TET1: variants seen among roughly 807,000 people sequenced by gnomAD.
The protein encoded by TET1 is methylcytosine dioxygenase TET1.
In TET1, 13 loss-of-function variants were observed where a neutral mutation model predicts 148.7. That is an observed-to-expected ratio of 0.09 (90% CI 0.06 to 0.14). The LOEUF (loss-of-function observed/expected upper bound fraction) is 0.14. Ranked by LOEUF, TET1 falls within the 10% of genes least tolerant of loss-of-function variation. TET1 has a pLI of 1.00. For synonymous variants in TET1, 907 were observed against 937.2 expected (o/e 0.97, Z 0.59); for missense variants, 2,182 against 2,553.8 (o/e 0.85, Z 3.14).
chr10:68,684,574 A>C (rs1288760458), intron 10 of TET1, among the ~76,000 whole-genome samples: 8 of 152,246 alleles, frequency 5.3e-5, no homozygotes, highest in African/African-American at 1.9e-4. Flanking sequence ...AAGTCAGTTC[A>C]GAGTCAAGCT....
chr10:68,629,470 C>T (rs2054536759), intron 3 of TET1, among the ~76,000 whole-genome samples: 1 of 151,430 alleles, frequency 6.6e-6, no homozygotes, highest in Non-Finnish European at 1.5e-5. Context: ...AGATATTTAG[C>T]TTGTAAGTAT....
intron 3 of TET1, among the ~76,000 whole-genome samples, chr10:68,611,478 T>G (rs1406003422): frequency 6.6e-6 from 1 of 150,536 alleles, no homozygotes; most frequent in African/African-American, 2.4e-5. Context: ...ATAGCAAGAC[T>G]CCATCTCTTC....
intron 3 of TET1, among the ~76,000 whole-genome samples, chr10:68,640,814 G>A: frequency 6.6e-6 from 1 of 151,408 alleles, no homozygotes; most frequent in Non-Finnish European, 1.5e-5. Flanking sequence ...GCCTCCCAAA[G>A]TGCTGGGATT....
chr10:68,576,832 C>T (rs780217015), intron 2 of TET1, among the ~76,000 whole-genome samples: 5 of 152,046 alleles, frequency 3.3e-5, no homozygotes, highest in Non-Finnish European at 7.4e-5. Context: ...TTCTCCCTCC[C>T]AAGTTCAAGT....
intron 3 of TET1, among the ~76,000 whole-genome samples, chr10:68,625,196 A>G (rs553414618): frequency 1.3e-5 from 2 of 152,172 alleles, no homozygotes; most frequent in African/African-American, 4.8e-5. Flanking sequence ...TTGAATTTCT[A>G]CTAGCCAAGT....
intron 3 of TET1, among the ~76,000 whole-genome samples, chr10:68,610,729 C>T (rs2054196498): frequency 6.6e-6 from 1 of 152,064 alleles, no homozygotes; most frequent in Non-Finnish European, 1.5e-5. Flanking sequence ...GTGATCATGG[C>T]TCACTGCAGC....
intron 3 of TET1, among the ~76,000 whole-genome samples, chr10:68,622,775 C>T (rs2054396162): frequency 6.6e-6 from 1 of 151,950 alleles, no homozygotes. Context: ...GACAGTGTCT[C>T]GCCGTGTTGT....
rs577229313 is a variant in TET1 at position 68,682,738 on chromosome 10, T to C, written c.4915-98T>C. On this transcript the variant is annotated intron_variant, in intron 9 of 11. Coordinates refer to ENST00000373644, the MANE Select transcript of TET1 (RefSeq NM_030625.3). Reference sequence around the variant, plus strand: ...AGTCTCAGAAATTACAAAGTGTAATTAATTAGAAACTTCATGAGGAAATTA... The same window carrying C: ...AGTCTCAGAAATTACAAAGTGTAATCAATTAGAAACTTCATGAGGAAATTA... 29 of 1,355,470 alleles carry C rather than the reference T, an allele frequency of 2.1e-5. No individual in the cohort carries two copies. The South Asian group carries it at 3.5e-4, about 16-fold the overall frequency. The allele number at this position is 1,355,470 out of a possible 1,614,324, so 84.0% of individuals were successfully genotyped here. A position where few individuals can be genotyped will look rare whatever the true frequency, so the allele number is the denominator to read the frequency against.
intron 8 of TET1, among the ~76,000 whole-genome samples, chr10:68,673,682 A>G (rs1311881985): frequency 6.6e-6 from 1 of 151,994 alleles, no homozygotes; most frequent in Non-Finnish European, 1.5e-5. Context: ...TGTAGTGAGG[A>G]TTTATATATT....
chr10:68,611,698 CTTTTT>C (rs770114212), intron 3 of TET1, among the ~76,000 whole-genome samples: 2 of 125,290 alleles, frequency 1.6e-5, no homozygotes, highest in Non-Finnish European at 3.5e-5. Context: ...CTTTTCTTTT[CTTTTT>C]CTTTCTTTTT....
In TET1 at chr10:68,693,446, A is replaced by G. The variant is rs2055618014; in HGVS notation, c.*1632A>G. The G allele has an allele frequency of 4.3e-6, 1 of 233,280 alleles. No homozygotes were observed. Among genetic ancestry groups the G allele is most frequent in the South Asian group, 1.8e-4 (1 of 5,534 alleles). 14.5% of individuals were successfully genotyped at this position (233,280 alleles called of 1,614,324 possible). A position where few individuals can be genotyped will look rare whatever the true frequency, so the allele number is the denominator to read the frequency against. On this transcript the variant is annotated 3_prime_UTR_variant, in exon 12 of 12. Transcript: ENST00000373644. ...CAAACAGTTCCAGCAGGCTCTCTAAAGAAAAACTCATTGTAACTTATTAAA... is the reference window on the plus strand; with the variant it reads ...CAAACAGTTCCAGCAGGCTCTCTAAGGAAAAACTCATTGTAACTTATTAAA...
chr10:68,615,958 T>A (rs2054284469), intron 3 of TET1, among the ~76,000 whole-genome samples: 1 of 152,184 alleles, frequency 6.6e-6, no homozygotes, highest in Admixed American at 6.6e-5. Flanking sequence ...AAGAATGGTG[T>A]TTTTTAAACT....
Position 68,574,271 on chromosome 10 carries a change from G to A in TET1, c.1914+19G>A, listed in dbSNP as rs375819944. On this transcript the variant is annotated intron_variant, in intron 2 of 11. Transcript: ENST00000373644. ...TCTGGAGGTAAGCAAACAGTCAAGG[G>A]GCTGGGAGACAGCTGACACTTGGTA... The A allele has an allele frequency of 1.3e-6, 2 of 1,597,076 alleles. No homozygotes were observed. Among genetic ancestry groups the A allele is most frequent in the Non-Finnish European group, 1.7e-6 (2 of 1,172,756 alleles).
At chr10:68,644,605 G>T in intron 3 of TET1, 93 bp from the exon 4 acceptor site, 1 of 1,252,520 alleles carries the variant, frequency 8.0e-7, no homozygotes, top group Admixed American at 3.0e-5. Flanking sequence ...TATCCACAGG[G>T]GCTTTACATT....
chr10:68,687,135 C>T (rs2055524662), intron 11 of TET1, among the ~76,000 whole-genome samples: 1 of 133,518 alleles, frequency 7.5e-6, no homozygotes, highest in Non-Finnish European at 1.6e-5. Context: ...GATCCGCCCC[C>T]GCCCCCCCGC....
At chr10:68,605,605 C>G (rs2054113172) in intron 3 of TET1, among the ~76,000 whole-genome samples, 3 of 152,186 alleles carry the variant, frequency 2.0e-5, no homozygotes, top group East Asian at 3.8e-4. Context: ...CCTCTGCCAC[C>G]TGGGTTCAAA....
intron 1 of TET1, among the ~76,000 whole-genome samples, chr10:68,566,852 A>C (rs2053613435): frequency 6.6e-6 from 1 of 150,864 alleles, no homozygotes; most frequent in Non-Finnish European, 1.5e-5. Context: ...TAGAGTTGCA[A>C]ACAGGCTTTT....
Position 68,687,640 on chromosome 10 carries a change from A to C in TET1, c.5404+933A>C, listed in dbSNP as rs141995014. 4.0e-3 allele frequency among the ~76,000 whole-genome samples: 604 copies of C among 152,128 alleles called. 4 individuals carry two copies. The highest frequency in any genetic ancestry group is 0.014 in the African/African-American group (567 of 41,508). On this transcript the variant is annotated intron_variant, in intron 11 of 11. Coordinates refer to ENST00000373644, the MANE Select transcript of TET1 (RefSeq NM_030625.3). ...CTCTCTTGCCCAGGCTCTGGAGTGC[A>C]TGCAGTGGCGTGATCATGGCTCACC...
chr10:68,672,239 C>T (rs781195757), intron 7 of TET1, among the ~76,000 whole-genome samples: 5 of 151,696 alleles, frequency 3.3e-5, no homozygotes, highest in Admixed American at 6.6e-5. Flanking sequence ...GCCTCACACC[C>T]GTAATCCCAG....
Sources: allele counts gnomAD v4.1 joint callset (sites outside exome capture counted in the v4.1 genomes callset), GRCh38; gene constraint gnomAD v4.1.1; transcripts MANE v1.5; gene names NCBI Gene and HGNC (gene_info 2026-07-23, HGNC 2026-07-21).